Variants in UHRF2 observed in about 807,000 individuals in gnomAD.
The protein encoded by UHRF2 is ubiquitin like with PHD and ring finger domains 2.
UHRF2 carries 23 observed loss-of-function variants against 96.8 expected under a neutral mutation model. The observed-to-expected ratio is 0.24, with a 90% confidence interval of 0.17 to 0.34. The LOEUF (loss-of-function observed/expected upper bound fraction) is 0.34. Ranked by LOEUF, UHRF2 falls within the 10% of genes least tolerant of loss-of-function variation. UHRF2 has a pLI of 1.00. For synonymous variants in UHRF2, 385 were observed against 332.6 expected, an observed-to-expected ratio of 1.16 and a Z score of -1.72; for missense variants, 685 against 981.5, an observed-to-expected ratio of 0.70 and a Z score of 4.04.
At chr9:6,480,332 C>G (rs1199966772) in intron 6 of UHRF2, among the ~76,000 whole-genome samples, 3 of 152,232 alleles carry the variant, frequency 2.0e-5, no homozygotes, top group African/African-American at 7.2e-5. Context: ...TTCTGGCTTT[C>G]CTTCACTACT....
chr9:6,413,457 G>C lies in UHRF2; in HGVS notation c.-34G>C, dbSNP rs1304845841. The stretch of plus-strand genomic sequence containing the variant: ...GCGCGGCGCCCAGAGCTCAGGGGGA[G>C]ACAAAGGGGACCGGTTCCTCTCTAG... On this transcript the variant is annotated 5_prime_UTR_variant, in exon 1 of 16. Coordinates refer to ENST00000276893, the MANE Select transcript of UHRF2 (RefSeq NM_152896.3). 1.3e-6 allele frequency: 2 copies of C among 1,495,242 alleles called. No homozygotes were observed. The highest frequency in any genetic ancestry group is 2.9e-5 in the African/African-American group (2 of 69,504). The allele number at this position is 1,495,242 out of a possible 1,614,324, so 92.6% of individuals were successfully genotyped here. A position where few individuals can be genotyped will look rare whatever the true frequency, so the allele number is the denominator to read the frequency against.
chr9:6,469,648 T>A (rs1823094486), intron 4 of UHRF2, among the ~76,000 whole-genome samples: 1 of 131,686 alleles, frequency 7.6e-6, no homozygotes, highest in Non-Finnish European at 1.6e-5. Flanking sequence ...CACATAGGAC[T>A]TGATGAAAGG....
At chr9:6,490,695 A>G (rs1229300236) in intron 9 of UHRF2, among the ~76,000 whole-genome samples, 3 of 152,218 alleles carry the variant, frequency 2.0e-5, no homozygotes, top group Non-Finnish European at 4.4e-5. Context: ...GTTTTTGAAT[A>G]TACTTACTGG....
intron 8 of UHRF2, among the ~76,000 whole-genome samples, chr9:6,482,558 T>C (rs1291122688): frequency 1.3e-5 from 2 of 151,890 alleles, no homozygotes; most frequent in Admixed American, 1.3e-4. Context: ...CCATTTCCAA[T>C]TACAGACACC....
intron 5 of UHRF2, among the ~76,000 whole-genome samples, chr9:6,476,659 A>G (rs1302890603): frequency 1.3e-5 from 2 of 152,040 alleles, no homozygotes; most frequent in East Asian, 3.9e-4. Context: ...CAGTGGCGCA[A>G]TCTCGGCTCA....
chr9:6,437,049 C>T (rs900271707), intron 3 of UHRF2, among the ~76,000 whole-genome samples: 6 of 151,848 alleles, frequency 4.0e-5, no homozygotes, highest in African/African-American at 7.3e-5. Flanking sequence ...ATTATGAGCC[C>T]GATATGGTTG....
At chr9:6,467,990 CTT>C (rs1380365602) in intron 4 of UHRF2, among the ~76,000 whole-genome samples, 1 of 152,112 alleles carries the variant, frequency 6.6e-6, no homozygotes, top group Non-Finnish European at 1.5e-5. Flanking sequence ...TCATCACAGT[CTT>C]TTTTTCTTAC....
At chr9:6,414,807 G>A (rs1476270116) in intron 1 of UHRF2, among the ~76,000 whole-genome samples, 2 of 152,158 alleles carry the variant, frequency 1.3e-5, no homozygotes, top group Admixed American at 6.5e-5. Flanking sequence ...GAAGGAGAGA[G>A]CTTTTTTTTC....
chr9:6,501,448 A>G (rs916022282), intron 14 of UHRF2, among the ~76,000 whole-genome samples: 2 of 152,156 alleles, frequency 1.3e-5, no homozygotes, highest in Non-Finnish European at 2.9e-5. Context: ...CCATGTCTGT[A>G]TGTCTTTTCT....
chr9:6,421,477 C>G (rs958721939), intron 2 of UHRF2, among the ~76,000 whole-genome samples: 1 of 152,090 alleles, frequency 6.6e-6, no homozygotes, highest in African/African-American at 2.4e-5. Flanking sequence ...CAGTGGCGCA[C>G]GCAATCTTGG....
chr9:6,459,941 G>T (rs1345999995), intron 3 of UHRF2, among the ~76,000 whole-genome samples: 5 of 152,194 alleles, frequency 3.3e-5, no homozygotes, highest in Non-Finnish European at 7.3e-5. Flanking sequence ...TCACTGTACT[G>T]CAGCCTAGGT....
rs1171172143 is a variant in UHRF2, at chr9:6,428,533, C to CTTTTTTTTTTTTTT, written c.385-5356_385-5343dup. 1.4e-3 allele frequency among the ~76,000 whole-genome samples: 91 copies of CTTTTTTTTTTTTTT among 65,424 alleles called. 10 individuals carry two copies. The highest frequency in any genetic ancestry group is 2.4e-3 in the East Asian group (4 of 1,670). 42.9% of individuals were successfully genotyped at this position (65,424 alleles called of 152,430 possible). On this transcript the variant is annotated intron_variant, in intron 2 of 15. Transcript: ENST00000276893. ...TGTAAATGGAACCATATTGCTTTTG[C>CTTTTTTTTTTTTTT]TTTTTTTTTTTTTTTTTTTTTTTTT...
chr9:6,483,324 C>CA (rs34497002), intron 8 of UHRF2, among the ~76,000 whole-genome samples: 8,529 of 57,910 alleles, frequency 0.15, 549 homozygotes, highest in African/African-American at 0.2. Flanking sequence ...GACTCTGTCT[C>CA]AAAAAAAAAA....
chr9:6,488,676 G>A (rs565995499), intron 9 of UHRF2, among the ~76,000 whole-genome samples: 1 of 148,028 alleles, frequency 6.8e-6, no homozygotes, highest in African/African-American at 2.5e-5. Context: ...TAATTTTTGT[G>A]TTTTTACTAG....
rs538514833 is a variant in UHRF2 at position 6,470,667 on chromosome 9, G to A, written c.864-4724G>A. Among the ~76,000 whole-genome samples the A allele has an allele frequency of 1.6e-4, 25 of 152,262 alleles. 1 individual carries two copies. The South Asian group carries it at 5.2e-3, about 32-fold the overall frequency. ...AAAAATGCGTGACAACAATAATGCA[G>A]AAGATGGGGTTGGTAAATGAAGTCG... is the stretch of plus-strand genomic sequence containing the variant. On this transcript the variant is annotated intron_variant, in intron 4 of 15. Coordinates refer to ENST00000276893, the MANE Select transcript of UHRF2 (RefSeq NM_152896.3).
Position 6,423,944 on chromosome 9 carries a change from C to CAAAA in UHRF2, c.384+2807_384+2810dup, listed in dbSNP as rs555251387. 9.6e-4 allele frequency among the ~76,000 whole-genome samples: 138 copies of CAAAA among 144,032 alleles called. 1 individual carries two copies. Among genetic ancestry groups the CAAAA allele is most frequent in the Admixed American group, 1.6e-3 (23 of 14,064 alleles). The allele number at this position is 144,032 out of a possible 152,430, so 94.5% of individuals were successfully genotyped here. On this transcript the variant is annotated intron_variant, in intron 2 of 15. Coordinates refer to ENST00000276893, the MANE Select transcript of UHRF2 (RefSeq NM_152896.3). Reference sequence around the variant, plus strand: ...TGGGCGACACAGTGAGACTCAGTATCAAAAAAAATAAATAAATAAATAAAG... The same window carrying CAAAA: ...TGGGCGACACAGTGAGACTCAGTATCAAAAAAAAAAAATAAATAAATAAATAAAG...
chr9:6,453,329 G>A (rs893010418), intron 3 of UHRF2, among the ~76,000 whole-genome samples: 3 of 152,102 alleles, frequency 2.0e-5, no homozygotes, highest in African/African-American at 7.2e-5. Flanking sequence ...TGGTTCTTTT[G>A]CCACTGAAAT....
intron 3 of UHRF2, among the ~76,000 whole-genome samples, chr9:6,445,238 T>C (rs1821416598): frequency 6.6e-6 from 1 of 152,078 alleles, no homozygotes; most frequent in Admixed American, 6.6e-5. Flanking sequence ...TCCTTATCTG[T>C]CAATAACTAT....
At chr9:6,442,673 G>A (rs543373379) in intron 3 of UHRF2, among the ~76,000 whole-genome samples, 39 of 149,538 alleles carry the variant, frequency 2.6e-4, no homozygotes, top group South Asian at 1.9e-3. Context: ...TTTTGGGGGG[G>A]TAGAGATGGG....
Sources: gnomAD v4.1 joint callset for allele counts (sites outside exome capture counted in the v4.1 genomes callset) on GRCh38, gnomAD v4.1.1 for gene constraint, MANE v1.5 for transcripts, NCBI Gene and HGNC (gene_info 2026-07-23, HGNC 2026-07-21) for gene names.